Variants in ADAMTS16 observed in about 807,000 individuals in gnomAD.
ADAMTS16 encodes A disintegrin and metalloproteinase with thrombospondin motifs 16.
Under a neutral mutation model 145.8 loss-of-function variants are expected in ADAMTS16, and 94 were observed. That is an observed-to-expected ratio of 0.64 (90% CI 0.55 to 0.77). ADAMTS16 has a LOEUF of 0.77. Among genes scored for constraint, ADAMTS16 ranks in the 30% least tolerant of loss-of-function variants. The probability of loss-of-function intolerance (pLI) is 0.00; values close to 1 mark genes in which losing one functional copy is unlikely to be tolerated. For missense variants in ADAMTS16, 1,585 were observed against 1,591.5 expected (o/e 1.00, Z 0.07); for synonymous variants, 659 against 604.3 (o/e 1.09, Z -1.33).
At chr5:5,141,345 T>A (rs916272466) in intron 2 of ADAMTS16, among the ~76,000 whole-genome samples, 1 of 152,228 alleles carries the variant, frequency 6.6e-6, no homozygotes, top group Non-Finnish European at 1.5e-5. Context: ...GCAACGTTCA[T>A]ATCCTGGGCC....
rs1398028100 is a variant in ADAMTS16, at chr5:5,199,176, G to C, written c.1314-956G>C. On this transcript the variant is annotated intron_variant, in intron 8 of 22. Coordinates refer to ENST00000274181, the MANE Select transcript of ADAMTS16 (RefSeq NM_139056.4). The stretch of plus-strand genomic sequence containing the variant: ...TCAAGGCCCTCCTACAGCTTTCACA[G>C]GTTAAGAAGAAGAGACTTGCTGATG... Among the ~76,000 whole-genome samples the C allele has an allele frequency of 2.6e-5, 4 of 152,304 alleles. No individual in the cohort carries two copies. In the East Asian group the frequency reaches 7.7e-4, roughly 29 times the overall value.
At chr5:5,304,626 T>C (rs1739951423) in intron 20 of ADAMTS16, among the ~76,000 whole-genome samples, 1 of 152,102 alleles carries the variant, frequency 6.6e-6, no homozygotes, top group South Asian at 2.1e-4. Flanking sequence ...CCTCGAACGA[T>C]GGCTTCTTTG....
At chr5:5,277,962 A>G (rs1006459410) in intron 18 of ADAMTS16, among the ~76,000 whole-genome samples, 3 of 152,198 alleles carry the variant, frequency 2.0e-5, no homozygotes, top group African/African-American at 7.2e-5. Context: ...AGCCTAAGTA[A>G]CAGAACAAGA....
chr5:5,268,677 C>T lies in ADAMTS16; in HGVS notation c.2789+5894C>T, dbSNP rs529155044. 6.6e-5 allele frequency among the ~76,000 whole-genome samples: 10 copies of T among 152,282 alleles called. No homozygotes were observed. The East Asian group carries it at 9.7e-4, about 15-fold the overall frequency. Reference sequence around the variant, plus strand: ...CATACATCCACCTGCACAGGGATCCCGACTGGACACTATTTCTGTCCTCCC... The same window carrying T: ...CATACATCCACCTGCACAGGGATCCTGACTGGACACTATTTCTGTCCTCCC... On this transcript the variant is annotated intron_variant, in intron 18 of 22. Transcript: ENST00000274181.
chr5:5,204,232 A>AT (rs1736031382), intron 9 of ADAMTS16, among the ~76,000 whole-genome samples: 1 of 152,150 alleles, frequency 6.6e-6, no homozygotes, highest in Admixed American at 6.5e-5. Context: ...GCTCTTTAAC[A>AT]TTTTTTGATT....
At chr5:5,197,497 A>G (rs1005291930) in intron 8 of ADAMTS16, among the ~76,000 whole-genome samples, 1 of 152,228 alleles carries the variant, frequency 6.6e-6, no homozygotes, top group Non-Finnish European at 1.5e-5. Flanking sequence ...GTGAGCATGG[A>G]TAAGAGGCGT....
intron 4 of ADAMTS16, among the ~76,000 whole-genome samples, chr5:5,184,677 G>A (rs1208376623): frequency 1.3e-5 from 2 of 152,112 alleles, no homozygotes; most frequent in African/African-American, 4.8e-5. Flanking sequence ...CCCTTCAGGT[G>A]ATGGTGGGTG....
intron 17 of ADAMTS16, among the ~76,000 whole-genome samples, chr5:5,257,387 C>T (rs1737823013): frequency 6.6e-6 from 1 of 152,130 alleles, no homozygotes; most frequent in South Asian, 2.1e-4. Flanking sequence ...AACACATGCA[C>T]TCTGCCCCCA....
At chr5:5,231,173 TTC>T (rs1207334245) in intron 11 of ADAMTS16, among the ~76,000 whole-genome samples, 39 of 152,096 alleles carry the variant, frequency 2.6e-4, no homozygotes, top group Non-Finnish European at 4.4e-5. Flanking sequence ...GTGGACTTTG[TTC>T]TACACCGGGT....
chr5:5,206,155 G>A (rs894475537), intron 9 of ADAMTS16, among the ~76,000 whole-genome samples: 12 of 151,658 alleles, frequency 7.9e-5, no homozygotes, highest in African/African-American at 2.4e-4. Context: ...GGCCGGGCGC[G>A]GTGGCTCACG....
At chr5:5,260,814 C>T (rs1219294525) in intron 17 of ADAMTS16, among the ~76,000 whole-genome samples, 1 of 152,208 alleles carries the variant, frequency 6.6e-6, no homozygotes, top group African/African-American at 2.4e-5. Flanking sequence ...ATTTTAGAGA[C>T]TTTCAATTTT....
rs564932103 is a variant in ADAMTS16 at position 5,249,770 on chromosome 5, G to T, written c.2662+7579G>T. Among the ~76,000 whole-genome samples the T allele has an allele frequency of 1.3e-3, 204 of 152,292 alleles. 1 individual carries two copies. The highest frequency in any genetic ancestry group is 6.8e-3 in the Middle Eastern group (2 of 294). On this transcript the variant is annotated intron_variant, in intron 17 of 22. Transcript: ENST00000274181. ...GTCAGGTGACAGCCTTTTACACCCT[G>T]CCCTCTTGGTACCCGAGTTCTTGTC...
At position 5,306,640 on chromosome 5, in the gene ADAMTS16, C is replaced by G. The variant is rs1011638214; in HGVS notation, c.3323C>G (p.Ala1108Gly). 6.2e-7 allele frequency: 1 copy of G among 1,614,064 alleles called. No individual in the cohort carries two copies. Among genetic ancestry groups the G allele is most frequent in the African/African-American group, 1.3e-5 (1 of 74,930 alleles). Residue 1108 changes from alanine to glycine, a missense_variant, in exon 21 of 23, where the codon GCC becomes GGC. This residue lies in a region of ADAMTS16 where 834 missense variants were observed against 811.7 expected (regional missense o/e 1.03). Coordinates refer to ENST00000274181, the MANE Select transcript of ADAMTS16 (RefSeq NM_139056.4). ...LPKPSLELERACAPLPCPRHP... is the reference protein window; with the variant it reads ...LPKPSLELERGCAPLPCPRHP... Reference sequence around the variant, plus strand: ...AAGCCCAGCCTGGAGCTGGAACGTGCCTGCGCCCCGCTTCCATGCCCCAGG... The same window carrying G: ...AAGCCCAGCCTGGAGCTGGAACGTGGCTGCGCCCCGCTTCCATGCCCCAGG...
rs1553989063 is a variant in ADAMTS16, at chr5:5,186,301, G to GGTGTGTGTGTGTGT, written c.963+71_963+84dup. 771 of 987,386 alleles carry GGTGTGTGTGTGTGT rather than the reference G, an allele frequency of 7.8e-4. 5 individuals carry two copies. The African/African-American group carries it at 0.012, about 16-fold the overall frequency. 61.2% of individuals were successfully genotyped at this position (987,386 alleles called of 1,614,324 possible). ...CCACCTGTGTCATTGCACTTCGTAG[G>GGTGTGTGTGTGTGT]GTGTGTGTGTGTGTGTGTGTGTGTG... On this transcript the variant is annotated intron_variant, in intron 5 of 22. Transcript: ENST00000274181.
intron 18 of ADAMTS16, among the ~76,000 whole-genome samples, chr5:5,279,572 C>T (rs1738822577): frequency 6.6e-6 from 1 of 152,056 alleles, no homozygotes; most frequent in South Asian, 2.1e-4. Flanking sequence ...TACTCTCCTT[C>T]ATTTGTTTAT....
chr5:5,304,854 T>C (rs929539155), intron 20 of ADAMTS16, among the ~76,000 whole-genome samples: 2 of 151,994 alleles, frequency 1.3e-5, no homozygotes, highest in Admixed American at 6.6e-5. Context: ...TGCATATCCC[T>C]AGAGGCAGAG....
chr5:5,310,801 A>C lies in ADAMTS16; in HGVS notation c.3411+4073A>C, dbSNP rs1287711869. ...TAAATTTCTGTTATTTTGAGCCCCT[A>C]GTTTGTAGCAATTATTACAGCAGCC... On this transcript the variant is annotated intron_variant, in intron 21 of 22. Transcript: ENST00000274181. The surrounding 1 kb of genome is among the most constrained non-coding windows in gnomAD (Gnocchi z 4.3). Among the ~76,000 whole-genome samples the C allele has an allele frequency of 1.3e-5, 2 of 152,120 alleles. No homozygotes were observed. Among genetic ancestry groups the C allele is most frequent in the Non-Finnish European group, 2.9e-5 (2 of 68,018 alleles).
intron 3 of ADAMTS16, 73 bp from the exon 4 acceptor site, chr5:5,181,971 G>T: frequency 6.8e-7 from 1 of 1,474,666 alleles, no homozygotes; most frequent in Non-Finnish European, 9.2e-7. Flanking sequence ...CAAATGCAAT[G>T]CTTGGAGAAT....
chr5:5,182,800 A>G (rs1416544335), intron 4 of ADAMTS16, among the ~76,000 whole-genome samples: 2 of 152,168 alleles, frequency 1.3e-5, no homozygotes, highest in South Asian at 2.1e-4. Flanking sequence ...TGTCATGAAC[A>G]TTTAGGAAAT....
Sources: gnomAD v4.1 joint callset for allele counts (sites outside exome capture counted in the v4.1 genomes callset) on GRCh38, gnomAD v4.1.1 for gene constraint, gnomAD v4.1.1 regional missense constraint, Gnocchi (gnomAD v3.1) non-coding constraint, MANE v1.5 for transcripts, NCBI Gene and HGNC (gene_info 2026-07-23, HGNC 2026-07-21) for gene names.